Variants in TXLNB observed in about 807,000 individuals in gnomAD.
TXLNB encodes beta-taxilin.
In TXLNB, 37 loss-of-function variants were observed where a neutral mutation model predicts 57.4. The ratio of observed to expected loss-of-function variants is 0.64; its 90% CI spans 0.50 to 0.85. TXLNB has a LOEUF of 0.85. Ranked by LOEUF, TXLNB falls within the 40% of genes least tolerant of loss-of-function variation. The pLI is 0.00. For missense variants in TXLNB, 848 were observed against 825.6 expected (o/e 1.03, Z -0.33); for synonymous variants, 302 against 309.6 (o/e 0.98, Z 0.26).
At chr6:139,198,749 C>T in the TXLNB span, among the ~76,000 whole-genome samples, 1 of 152,114 alleles carries the variant, frequency 6.6e-6, no homozygotes, top group African/African-American at 2.4e-5. Context: ...GGCCATAGCA[C>T]CTGCTCAGCA....
At chr6:139,180,982 G>C in the TXLNB span, among the ~76,000 whole-genome samples, 3 of 152,136 alleles carry the variant, frequency 2.0e-5, no homozygotes, top group African/African-American at 7.2e-5. Flanking sequence ...TGCTGCTTGC[G>C]TCATGTATCA....
chr6:139,164,332 T>G, the TXLNB span, among the ~76,000 whole-genome samples: 129,389 of 151,722 alleles, frequency 0.85, 56,064 homozygotes, highest in African/African-American at 0.96. Context: ...GAGTAGTATT[T>G]CCCTCCAAAG....
Position 139,270,631 on chromosome 6 carries a change from A to G in TXLNB, c.517-5T>C. 6.2e-7 allele frequency: 1 copy of G among 1,613,384 alleles called. No homozygotes were observed. The highest frequency in any genetic ancestry group is 1.1e-5 in the South Asian group (1 of 90,914). ...CTCAGTACGATGTTCATCCAGCTGT[A>G]CACATGGAGATACAAACATGAAAGA... On this transcript the variant is annotated splice_region_variant and splice_polypyrimidine_tract_variant and intron_variant, in intron 3 of 9. Coordinates refer to ENST00000358430, the MANE Select transcript of TXLNB (RefSeq NM_153235.4).
chr6:139,264,734 A>T (rs1437789888), intron 4 of TXLNB, among the ~76,000 whole-genome samples: 2 of 151,840 alleles, frequency 1.3e-5, no homozygotes, highest in African/African-American at 4.8e-5. Flanking sequence ...TAATTTTTTT[A>T]TTTTTAGTAG....
the TXLNB span, among the ~76,000 whole-genome samples, chr6:139,229,104 A>G: frequency 6.6e-6 from 1 of 152,142 alleles, no homozygotes; most frequent in African/African-American, 2.4e-5. Flanking sequence ...TTTGCTAAAT[A>G]ATTTTTATTT....
chr6:139,302,452 G>GAAGAAATTTT, the TXLNB span, among the ~76,000 whole-genome samples: 1 of 151,872 alleles, frequency 6.6e-6, no homozygotes, highest in African/African-American at 2.4e-5. Flanking sequence ...TCCAAAATTG[G>GAAGAAATTTT]GTGATTTTGT....
At chr6:139,181,978 C>G in the TXLNB span, among the ~76,000 whole-genome samples, 2 of 151,934 alleles carry the variant, frequency 1.3e-5, no homozygotes. Flanking sequence ...GCTTTTGTTT[C>G]CTAGGCCTGT....
chr6:139,256,623 C>A lies in TXLNB; in HGVS notation c.1003-985G>T, dbSNP rs144432849. Among the ~76,000 whole-genome samples, 262 of 152,342 alleles carry A rather than the reference C, an allele frequency of 1.7e-3. 5 individuals are homozygous for A. In the East Asian group the frequency reaches 0.026, roughly 15 times the overall value. On this transcript the variant is annotated intron_variant, in intron 6 of 9. Transcript: ENST00000358430. ...GATCATAGGCGTGAGCCGCCGTGCC[C>A]GGCCAACAACTGTTTCTTTAGAGTA...
In TXLNB at chr6:139,288,633, A is replaced by T; in HGVS notation, c.267T>A (p.Pro89=). The change falls in exon 2 of 10, where the codon CCT becomes CCA. Residue 89 remains proline (P), a synonymous_variant. Transcript: ENST00000358430. ...CGTTGTCAGGTGATTCTGCATTCTC[A>T]GGCTGCTCACTGGCCCTGGCAGAGC... ...KEGSARASEQ[P]ENAESPDNED... 6.2e-7 allele frequency: 1 copy of T among 1,614,068 alleles called. No individual in the cohort carries two copies. The highest frequency in any genetic ancestry group is 8.5e-7 in the Non-Finnish European group (1 of 1,180,012).
At chr6:139,224,998 C>A in the TXLNB span, among the ~76,000 whole-genome samples, 1 of 152,068 alleles carries the variant, frequency 6.6e-6, no homozygotes, top group Non-Finnish European at 1.5e-5. Context: ...TCTTTACCAA[C>A]CTGAATTTGT....
the TXLNB span, among the ~76,000 whole-genome samples, chr6:139,302,205 T>G: frequency 1.3e-5 from 2 of 151,988 alleles, no homozygotes; most frequent in African/African-American, 4.8e-5. Flanking sequence ...AAAATATGTT[T>G]TAAGTCAGAT....
chr6:139,276,759 G>T (rs1776907004), intron 3 of TXLNB, 71 bp downstream of exon 3: 4 of 1,167,126 alleles, frequency 3.4e-6, no homozygotes, highest in Non-Finnish European at 5.0e-6. Context: ...GCAGGTGTTT[G>T]TTGTTCCTTG....
intron 6 of TXLNB, among the ~76,000 whole-genome samples, chr6:139,258,571 C>T (rs1269919504): frequency 1.3e-5 from 2 of 152,178 alleles, no homozygotes; most frequent in Non-Finnish European, 2.9e-5. Flanking sequence ...CAAAATTTGT[C>T]TTTTTGTTGC....
At chr6:139,162,254 A>G in the TXLNB span, among the ~76,000 whole-genome samples, 2 of 152,256 alleles carry the variant, frequency 1.3e-5, no homozygotes, top group East Asian at 1.9e-4. Context: ...TAGGGGGGCA[A>G]TCCTGGTAAA....
the TXLNB span, among the ~76,000 whole-genome samples, chr6:139,299,969 T>C: frequency 1.3e-5 from 2 of 152,208 alleles, no homozygotes; most frequent in African/African-American, 2.4e-5. Context: ...AAATAGCCTT[T>C]TTGAGGTTTT....
the TXLNB span, among the ~76,000 whole-genome samples, chr6:139,164,504 A>C: frequency 6.6e-6 from 1 of 152,148 alleles, no homozygotes; most frequent in Non-Finnish European, 1.5e-5. Flanking sequence ...TCCAGATGCC[A>C]GTAGTGCCCT....
chr6:139,204,225 T>A, the TXLNB span, among the ~76,000 whole-genome samples: 1 of 152,004 alleles, frequency 6.6e-6, no homozygotes, highest in Non-Finnish European at 1.5e-5. Context: ...CCCGGCTAAT[T>A]TTTGCATTTT....
the TXLNB span, among the ~76,000 whole-genome samples, chr6:139,172,795 A>G: frequency 6.6e-6 from 1 of 152,178 alleles, no homozygotes; most frequent in African/African-American, 2.4e-5. Context: ...TGTAAGCCTC[A>G]CTTCCTACTC....
chr6:139,167,390 T>G, the TXLNB span: 25 of 1,286,936 alleles, frequency 1.9e-5, no homozygotes, highest in Non-Finnish European at 2.5e-5. Flanking sequence ...ACAAGACAGA[T>G]TGCTCTATTT....
Sources: gnomAD v4.1 joint callset for allele counts (sites outside exome capture counted in the v4.1 genomes callset) on GRCh38, gnomAD v4.1.1 for gene constraint, MANE v1.5 for transcripts, NCBI Gene and HGNC (gene_info 2026-07-23, HGNC 2026-07-21) for gene names.